Variants in NEDD4L observed in about 807,000 individuals in gnomAD.
NEDD4L encodes E3 ubiquitin-protein ligase NEDD4-like.
Under a neutral mutation model 148.9 loss-of-function variants are expected in NEDD4L, and 54 were observed. The ratio of observed to expected loss-of-function variants is 0.36; its 90% CI spans 0.29 to 0.45. NEDD4L has a LOEUF of 0.45. NEDD4L is among the 20% of genes least tolerant of loss of function. The pLI is 1.00. For synonymous variants in NEDD4L, 433 were observed against 440.7 expected (o/e 0.98, Z 0.22); for missense variants, 856 against 1,233.8 (o/e 0.69, Z 4.59).
intron 1 of NEDD4L, among the ~76,000 whole-genome samples, chr18:58,163,229 T>A (rs2036448192): frequency 6.6e-6 from 1 of 152,162 alleles, no homozygotes; most frequent in Admixed American, 6.5e-5. Flanking sequence ...TATAGGTACT[T>A]CAGGTTTTGA....
chr18:58,150,673 A>G (rs2034611865), intron 1 of NEDD4L, among the ~76,000 whole-genome samples: 2 of 152,252 alleles, frequency 1.3e-5, no homozygotes, highest in African/African-American at 4.8e-5. Flanking sequence ...GCAGAGAAGT[A>G]GCAGGGAGGA....
At chr18:58,333,239 C>G (rs2041257640) in intron 11 of NEDD4L, among the ~76,000 whole-genome samples, 2 of 149,938 alleles carry the variant, frequency 1.3e-5, no homozygotes, top group Non-Finnish European at 3.0e-5. Context: ...GATCATGCCA[C>G]TGCACTCCAG....
At chr18:58,373,418 T>C (rs978625375) in intron 24 of NEDD4L, 149 bp downstream of exon 24, 2 of 594,650 alleles carry the variant, frequency 3.4e-6, no homozygotes, top group Non-Finnish European at 6.1e-6. Flanking sequence ...CAGCACCTTT[T>C]TGTCATGCCA....
At chr18:58,202,782 T>A (rs1417085875) in intron 2 of NEDD4L, among the ~76,000 whole-genome samples, 1 of 152,194 alleles carries the variant, frequency 6.6e-6, no homozygotes, top group Non-Finnish European at 1.5e-5. Context: ...CATACTCCTT[T>A]TGTTTGACAA....
intron 16 of NEDD4L, among the ~76,000 whole-genome samples, chr18:58,348,569 C>T (rs752519887): frequency 6.6e-6 from 1 of 152,040 alleles, no homozygotes; most frequent in Non-Finnish European, 1.5e-5. Flanking sequence ...CCTCCTCAGC[C>T]TCCCAAAGTG....
rs150031913 is a variant in NEDD4L, at chr18:58,378,796, T to G, written c.2353-4450T>G. ...CTTGCTCCACCCAAGTCCAGCATAT[T>G]CCATATGAGCCAAGCTGTTTCTCAG... On this transcript the variant is annotated intron_variant, in intron 24 of 30. Transcript: ENST00000400345. 8.0e-3 allele frequency among the ~76,000 whole-genome samples: 1,220 copies of G among 152,272 alleles called. 15 individuals carry two copies. Among genetic ancestry groups the G allele is most frequent in the African/African-American group, 0.028 (1,161 of 41,534 alleles).
At chr18:58,204,742 A>G (rs1029707621) in intron 2 of NEDD4L, among the ~76,000 whole-genome samples, 3 of 152,240 alleles carry the variant, frequency 2.0e-5, no homozygotes, top group African/African-American at 7.2e-5. Context: ...TCTTCACATT[A>G]GACACTCATT....
intron 1 of NEDD4L, among the ~76,000 whole-genome samples, chr18:58,129,470 A>C (rs1461454455): frequency 6.6e-6 from 1 of 152,182 alleles, no homozygotes; most frequent in Non-Finnish European, 1.5e-5. Flanking sequence ...CTGTTCTGGA[A>C]GCTTCTCCAC....
chr18:58,159,840 A>G (rs2035975027), intron 1 of NEDD4L, among the ~76,000 whole-genome samples: 1 of 152,342 alleles, frequency 6.6e-6, no homozygotes, highest in East Asian at 1.9e-4. Context: ...ACTTTAGAAT[A>G]TGGAAGGTAA....
chr18:58,258,629 T>C (rs2148619862), intron 5 of NEDD4L, among the ~76,000 whole-genome samples: 1 of 152,346 alleles, frequency 6.6e-6, no homozygotes, highest in South Asian at 2.1e-4. Flanking sequence ...AATTCTGGAA[T>C]AAAGAGCTTT....
chr18:58,158,880 C>T (rs983564569), intron 1 of NEDD4L, among the ~76,000 whole-genome samples: 4 of 152,132 alleles, frequency 2.6e-5, no homozygotes, highest in South Asian at 2.1e-4. Context: ...GGCAACTGTG[C>T]ACACACCTTG....
intron 12 of NEDD4L, among the ~76,000 whole-genome samples, chr18:58,334,409 T>C (rs1232445895): frequency 6.6e-6 from 1 of 152,232 alleles, no homozygotes; most frequent in Admixed American, 6.5e-5. Context: ...ATCATTTTAA[T>C]AGCTATCAGC....
At chr18:58,067,351 ATGAAAAGCAAAAGAAATGAT>A (rs1396450140) in intron 1 of NEDD4L, among the ~76,000 whole-genome samples, 1 of 152,268 alleles carries the variant, frequency 6.6e-6, no homozygotes, top group Non-Finnish European at 1.5e-5. Flanking sequence ...GCTTTGAAGA[ATGAAAAGCAAAAGAAATGAT>A]TTAGAGTCCT....
At chr18:58,201,087 C>T (rs1402713109) in intron 2 of NEDD4L, among the ~76,000 whole-genome samples, 1 of 152,176 alleles carries the variant, frequency 6.6e-6, no homozygotes, top group Non-Finnish European at 1.5e-5. Context: ...AATCCCAGCA[C>T]TTTGGGAGGC....
chr18:58,391,355 C>A, intron 29 of NEDD4L, 132 bp from the exon 30 acceptor site: 1 of 708,650 alleles, frequency 1.4e-6, no homozygotes, highest in Non-Finnish European at 2.6e-6. Context: ...AATGTTGCAG[C>A]AGAAGAGAGT....
intron 5 of NEDD4L, among the ~76,000 whole-genome samples, chr18:58,265,448 A>G (rs1306635223): frequency 4.6e-5 from 7 of 152,088 alleles, no homozygotes; most frequent in African/African-American, 1.4e-4. Context: ...ACCAAGGCAC[A>G]GTTTCTGCCA....
chr18:58,106,208 C>G (rs502450), intron 1 of NEDD4L, among the ~76,000 whole-genome samples: 1 of 152,298 alleles, frequency 6.6e-6, no homozygotes, highest in Admixed American at 6.5e-5. Flanking sequence ...AATCAACTGT[C>G]AGGCTGGGAG....
intron 1 of NEDD4L, among the ~76,000 whole-genome samples, chr18:58,159,445 AG>A (rs1370517297): frequency 6.6e-6 from 1 of 152,172 alleles, no homozygotes; most frequent in Non-Finnish European, 1.5e-5. Context: ...ACTCTGGAGC[AG>A]GATGTTGATC....
intron 2 of NEDD4L, among the ~76,000 whole-genome samples, chr18:58,183,755 A>G (rs2039114867): frequency 6.6e-6 from 1 of 152,242 alleles, no homozygotes; most frequent in African/African-American, 2.4e-5. Context: ...AGTTTGCAAA[A>G]AAGACTTTTT....
Sources: allele counts gnomAD v4.1 joint callset (sites outside exome capture counted in the v4.1 genomes callset), GRCh38; gene constraint gnomAD v4.1.1; transcripts MANE v1.5; gene names NCBI Gene and HGNC (gene_info 2026-07-23, HGNC 2026-07-21).